BBX: variants seen among roughly 807,000 people sequenced by gnomAD.
BBX encodes BBX high mobility group box domain containing, also known as HMG box transcription factor BBX.
BBX carries 30 observed loss-of-function variants against 100.2 expected under a neutral mutation model. The ratio of observed to expected loss-of-function variants is 0.30; its 90% CI spans 0.22 to 0.41. BBX has a LOEUF of 0.41. Among genes scored for constraint, BBX ranks in the 10% least tolerant of loss-of-function variants. The pLI, the probability that BBX is intolerant of heterozygous loss-of-function variation, is 1.00. For missense variants in BBX, 1,023 were observed against 1,129.8 expected (o/e 0.91, Z 1.35); for synonymous variants, 376 against 388.1 (o/e 0.97, Z 0.37).
At chr3:107,625,376 G>A (rs1011665849) in intron 2 of BBX, among the ~76,000 whole-genome samples, 2 of 152,048 alleles carry the variant, frequency 1.3e-5, no homozygotes, top group African/African-American at 4.8e-5. Context: ...CACACACACA[G>A]TAGCGATTCT....
intron 2 of BBX, among the ~76,000 whole-genome samples, chr3:107,562,737 T>G (rs1238988285): frequency 6.6e-6 from 1 of 152,180 alleles, no homozygotes; most frequent in African/African-American, 2.4e-5. Context: ...AGGATACTAT[T>G]CACATTTATA....
chr3:107,633,142 T>G (rs1559897182), intron 2 of BBX, among the ~76,000 whole-genome samples: 1 of 152,096 alleles, frequency 6.6e-6, no homozygotes, highest in African/African-American at 2.4e-5. Context: ...TTATATAAGT[T>G]ACTATAATAA....
intron 2 of BBX, among the ~76,000 whole-genome samples, chr3:107,573,160 C>G (rs2051497879): frequency 6.6e-6 from 1 of 152,132 alleles, no homozygotes; most frequent in African/African-American, 2.4e-5. Flanking sequence ...AAGAATCAAA[C>G]AAGCTATGTC....
At position 107,605,116 on chromosome 3, in the gene BBX, A is replaced by G. The variant is rs371307690; in HGVS notation, c.-83-40720A>G. Among the ~76,000 whole-genome samples, 15 of 152,338 alleles carry G rather than the reference A, an allele frequency of 9.8e-5. No homozygotes were observed. The South Asian group carries it at 3.1e-3, about 32-fold the overall frequency. On this transcript the variant is annotated intron_variant, in intron 2 of 17. Transcript: ENST00000325805. ...TGCATTCTCCTGACCTATTGGCATAACACCTTTATTTTAAAAGGAAATGTG... is the reference window on the plus strand; with the variant it reads ...TGCATTCTCCTGACCTATTGGCATAGCACCTTTATTTTAAAAGGAAATGTG...
chr3:107,574,631 G>T (rs923476616), intron 2 of BBX, among the ~76,000 whole-genome samples: 2 of 152,040 alleles, frequency 1.3e-5, no homozygotes, highest in African/African-American at 4.8e-5. Context: ...AAAAGGTATG[G>T]AGCAATATTG....
chr3:107,797,692 T>C (rs1344629495), intron 15 of BBX, among the ~76,000 whole-genome samples: 1 of 151,950 alleles, frequency 6.6e-6, no homozygotes, highest in Admixed American at 6.6e-5. Flanking sequence ...GCTAAGAAAA[T>C]GAGTATGTAA....
intron 2 of BBX, among the ~76,000 whole-genome samples, chr3:107,561,384 A>G (rs537138878): frequency 1.3e-5 from 2 of 152,202 alleles, no homozygotes; most frequent in African/African-American, 4.8e-5. Context: ...ATATCGATCT[A>G]TATGCCCTTG....
chr3:107,750,931 G>A lies in BBX; in HGVS notation c.825+2892G>A, dbSNP rs566420266. On this transcript the variant is annotated intron_variant, in intron 9 of 17. Transcript: ENST00000325805. Reference sequence around the variant, plus strand: ...TTCTCAAACTTTACAATACATCACAGTCACCTAGAAGGCTGTTTACACACA... The same window carrying A: ...TTCTCAAACTTTACAATACATCACAATCACCTAGAAGGCTGTTTACACACA... Among the ~76,000 whole-genome samples the A allele has an allele frequency of 1.2e-4, 18 of 152,248 alleles. No individual in the cohort carries two copies. In the South Asian group the frequency reaches 2.3e-3, roughly 19 times the overall value.
intron 13 of BBX, among the ~76,000 whole-genome samples, chr3:107,787,267 T>C (rs1424655285): frequency 6.6e-6 from 1 of 152,204 alleles, no homozygotes; most frequent in Non-Finnish European, 1.5e-5. Context: ...AGTGCTGAGA[T>C]TACAGATGTG....
chr3:107,705,503 T>C (rs961396967), intron 3 of BBX, among the ~76,000 whole-genome samples: 30 of 152,242 alleles, frequency 2.0e-4, no homozygotes, highest in Admixed American at 1.6e-3. Flanking sequence ...TCTGACTGTG[T>C]ATCACTCAGA....
At chr3:107,701,919 A>G (rs2061087927) in intron 3 of BBX, among the ~76,000 whole-genome samples, 1 of 152,194 alleles carries the variant, frequency 6.6e-6, no homozygotes, top group Admixed American at 6.5e-5. Flanking sequence ...AGCATTATAT[A>G]TGTCTAGCTA....
At chr3:107,586,754 CTT>C (rs34606832) in intron 2 of BBX, among the ~76,000 whole-genome samples, 3 of 145,536 alleles carry the variant, frequency 2.1e-5, no homozygotes, top group Admixed American at 6.9e-5. Flanking sequence ...TGATTCCACA[CTT>C]TTTTTTTTTT....
intron 10 of BBX, among the ~76,000 whole-genome samples, chr3:107,764,094 G>A (rs2066157122): frequency 6.6e-6 from 1 of 152,200 alleles, no homozygotes; most frequent in Non-Finnish European, 1.5e-5. Flanking sequence ...CTGGGTTCAA[G>A]CGATTCTCCT....
chr3:107,597,567 T>C (rs1222518379), intron 2 of BBX, among the ~76,000 whole-genome samples: 2 of 152,198 alleles, frequency 1.3e-5, no homozygotes, highest in African/African-American at 4.8e-5. Flanking sequence ...TTTTTAAATA[T>C]ATACACTCTG....
chr3:107,592,870 T>C (rs2053431429), intron 2 of BBX, among the ~76,000 whole-genome samples: 1 of 152,214 alleles, frequency 6.6e-6, no homozygotes. Context: ...AGAGTGGTTT[T>C]TTTAAGATCA....
chr3:107,656,183 A>G (rs192356949), intron 3 of BBX, among the ~76,000 whole-genome samples: 1 of 152,070 alleles, frequency 6.6e-6, no homozygotes, highest in Admixed American at 6.5e-5. Context: ...AGAAAAAAAT[A>G]TTTTTTCTCT....
intron 2 of BBX, among the ~76,000 whole-genome samples, chr3:107,614,285 T>C (rs1576501582): frequency 6.6e-6 from 1 of 152,252 alleles, no homozygotes; most frequent in Admixed American, 6.5e-5. Flanking sequence ...CTTAAAAACC[T>C]CTAAAAATTT....
intron 2 of BBX, among the ~76,000 whole-genome samples, chr3:107,606,422 A>G (rs1321026760): frequency 6.6e-6 from 1 of 152,210 alleles, no homozygotes; most frequent in Non-Finnish European, 1.5e-5. Context: ...CGTTTGGTTA[A>G]TACAGGTTGA....
At chr3:107,804,517 C>A (rs2070884698) in intron 17 of BBX, among the ~76,000 whole-genome samples, 1 of 152,118 alleles carries the variant, frequency 6.6e-6, no homozygotes, top group African/African-American at 2.4e-5. Context: ...TAGAAATTAC[C>A]AAGAATTTTG....
Sources: allele counts gnomAD v4.1 joint callset (sites outside exome capture counted in the v4.1 genomes callset), GRCh38; gene constraint gnomAD v4.1.1; transcripts MANE v1.5; gene names NCBI Gene and HGNC (gene_info 2026-07-23, HGNC 2026-07-21).